ASXL3: variants seen among roughly 807,000 people sequenced by gnomAD.
ASXL3 encodes putative Polycomb group protein ASXL3.
ASXL3 carries 34 observed loss-of-function variants against 170.6 expected under a neutral mutation model. The observed-to-expected ratio is 0.20, with a 90% CI of 0.15 to 0.27. ASXL3 has a LOEUF of 0.27. Ranked by LOEUF, ASXL3 falls within the 10% of genes least tolerant of loss-of-function variation. ASXL3 has a pLI of 1.00. For synonymous variants in ASXL3, 1,002 were observed against 989.1 expected (o/e 1.01, Z -0.24); for missense variants, 2,592 against 2,695.3 (o/e 0.96, Z 0.85).
At chr18:33,699,896 ATT>A (rs2066840913) in intron 8 of ASXL3, among the ~76,000 whole-genome samples, 1 of 151,854 alleles carries the variant, frequency 6.6e-6, no homozygotes, top group Admixed American at 6.6e-5. Flanking sequence ...TATTTATATT[ATT>A]GAGTTTTTCA....
chr18:33,624,896 T>C (rs1318350031), intron 2 of ASXL3, among the ~76,000 whole-genome samples: 1 of 152,200 alleles, frequency 6.6e-6, no homozygotes, highest in Non-Finnish European at 1.5e-5. Flanking sequence ...ATTTTTCCAT[T>C]ATACTGAAAT....
chr18:33,683,366 A>T (rs1224204137), intron 7 of ASXL3, 39 bp from the exon 8 acceptor site: 1 of 1,573,422 alleles, frequency 6.4e-7, no homozygotes, highest in Non-Finnish European at 8.6e-7. Flanking sequence ...GTTTCCCTCT[A>T]CCTGTAGTAA....
At chr18:33,672,685 G>A (rs998493032) in intron 7 of ASXL3, among the ~76,000 whole-genome samples, 3 of 152,232 alleles carry the variant, frequency 2.0e-5, no homozygotes, top group Middle Eastern at 3.4e-3. Context: ...ATTTATTGAC[G>A]TGAACTTTAT....
intron 8 of ASXL3, among the ~76,000 whole-genome samples, chr18:33,723,118 A>T (rs1568349424): frequency 6.6e-6 from 1 of 152,182 alleles, no homozygotes; most frequent in Non-Finnish European, 1.5e-5. Context: ...AGAGATGTAA[A>T]AAGAGAATAA....
chr18:33,646,487 A>G (rs2065916532), intron 4 of ASXL3, 134 bp downstream of exon 4: 1 of 598,930 alleles, frequency 1.7e-6, no homozygotes, highest in Admixed American at 3.5e-5. Context: ...GAGATTTATC[A>G]TCAAGGTGTT....
chr18:33,650,985 G>A (rs2065988830), intron 4 of ASXL3, among the ~76,000 whole-genome samples: 1 of 151,948 alleles, frequency 6.6e-6, no homozygotes, highest in African/African-American at 2.4e-5. Flanking sequence ...TTACCTCTGA[G>A]GGAACAAACT....
At chr18:33,589,815 A>G (rs2065062600) in intron 1 of ASXL3, among the ~76,000 whole-genome samples, 1 of 152,196 alleles carries the variant, frequency 6.6e-6, no homozygotes, top group South Asian at 2.1e-4. Context: ...AATAAGAACT[A>G]ATAATGATTG....
chr18:33,713,243 GTTTTGTTTTT>G (rs1241435495), intron 8 of ASXL3, among the ~76,000 whole-genome samples: 2 of 45,488 alleles, frequency 4.4e-5, no homozygotes, highest in African/African-American at 1.9e-4. Context: ...TTTTTGTTTT[GTTTTGTTTTT>G]TTTTTTTTTT....
chr18:33,697,441 T>C (rs1345875761), intron 8 of ASXL3, among the ~76,000 whole-genome samples: 1 of 152,086 alleles, frequency 6.6e-6, no homozygotes, highest in Non-Finnish European at 1.5e-5. Context: ...AAAAGAGAGC[T>C]TCTGAGCTGG....
chr18:33,698,640 A>G (rs1309248085), intron 8 of ASXL3, among the ~76,000 whole-genome samples: 2 of 152,148 alleles, frequency 1.3e-5, no homozygotes, highest in Non-Finnish European at 2.9e-5. Flanking sequence ...TGAAATTTCC[A>G]AATGTTAATG....
Position 33,670,762 on chromosome 18 carries a change from G to A in ASXL3, c.567G>A (p.Val189=), listed in dbSNP as rs1382203896. The A allele has an allele frequency of 6.4e-7, 1 of 1,554,144 alleles. No individual in the cohort carries two copies. Among genetic ancestry groups the A allele is most frequent in the Non-Finnish European group, 8.7e-7 (1 of 1,148,382 alleles). The part of the protein sequence containing the change: ...VPRVVLTPLK[V]SDEQSDSPSG... ...GTGTTGTTTTGACACCATTAAAGGT[G>A]TCTGATGAGCAGTCGGATTCGCCTT... Residue 189 remains valine (V), a synonymous_variant, in exon 6 of 12, where the codon GTG becomes GTA. Transcript: ENST00000269197.
At chr18:33,661,437 G>T (rs561756028) in intron 4 of ASXL3, among the ~76,000 whole-genome samples, 179 bp from the exon 5 acceptor site, 3 of 152,158 alleles carry the variant, frequency 2.0e-5, no homozygotes, top group South Asian at 4.1e-4. Flanking sequence ...TGGAATTGCG[G>T]CCACACAGTT....
At chr18:33,726,685 C>T (rs1459040583) in intron 8 of ASXL3, among the ~76,000 whole-genome samples, 1 of 152,110 alleles carries the variant, frequency 6.6e-6, no homozygotes, top group Non-Finnish European at 1.5e-5. Flanking sequence ...ATGTGACTCA[C>T]CTTTATACTA....
intron 1 of ASXL3, among the ~76,000 whole-genome samples, chr18:33,589,104 A>G (rs546924263): frequency 6.6e-6 from 1 of 151,832 alleles, no homozygotes; most frequent in East Asian, 2.0e-4. Context: ...TGATGGTCCT[A>G]AGAGTCAGGC....
At chr18:33,619,526 G>C (rs2065477879) in intron 2 of ASXL3, among the ~76,000 whole-genome samples, 1 of 151,730 alleles carries the variant, frequency 6.6e-6, no homozygotes, top group Non-Finnish European at 1.5e-5. Flanking sequence ...TGTCCAACAT[G>C]AGGATGACCA....
At chr18:33,596,439 A>G (rs2065127659) in intron 1 of ASXL3, among the ~76,000 whole-genome samples, 1 of 152,184 alleles carries the variant, frequency 6.6e-6, no homozygotes, top group East Asian at 1.9e-4. Context: ...TAGTCAGGAG[A>G]AAAGAATTAC....
intron 2 of ASXL3, among the ~76,000 whole-genome samples, chr18:33,633,920 A>G (rs949588262): frequency 1.3e-5 from 2 of 152,072 alleles, no homozygotes; most frequent in African/African-American, 4.8e-5. Context: ...ATTCTATAGA[A>G]TATTAAGAGC....
chr18:33,644,944 G>A lies in ASXL3; in HGVS notation c.188G>A (p.Arg63Gln), dbSNP rs1449951428. The A allele has an allele frequency of 1.3e-6, 2 of 1,583,910 alleles. No individual in the cohort carries two copies. The highest frequency in any genetic ancestry group is 1.7e-6 in the Non-Finnish European group (2 of 1,163,544). Residue 63 changes from arginine (R) to glutamine (Q), a missense_variant, in exon 3 of 12, where the codon CGA becomes CAA. Coordinates refer to ENST00000269197, the MANE Select transcript of ASXL3 (RefSeq NM_030632.3). ...CLNAMLHTNT[R>Q]IGDGTFFKIP... ...AATGCAATGCTTCACACTAACACTC[G>A]AATAGGGGATGGAACATTCTTCAAA...
chr18:33,651,390 T>C (rs2065995955), intron 4 of ASXL3, among the ~76,000 whole-genome samples: 1 of 151,648 alleles, frequency 6.6e-6, no homozygotes, highest in African/African-American at 2.4e-5. Flanking sequence ...AGAGAGAAGG[T>C]TGGGTATATG....
Sources: gnomAD v4.1 joint callset for allele counts (sites outside exome capture counted in the v4.1 genomes callset) on GRCh38, gnomAD v4.1.1 for gene constraint, MANE v1.5 for transcripts, NCBI Gene and HGNC (gene_info 2026-07-23, HGNC 2026-07-21) for gene names.